Variants in MAGI1 observed in about 807,000 individuals in gnomAD.
MAGI1 encodes the protein membrane-associated guanylate kinase, WW and PDZ domain-containing protein 1.
Under a neutral mutation model 139.9 loss-of-function variants are expected in MAGI1, and 58 were observed. That is an observed-to-expected ratio of 0.41 (90% CI 0.34 to 0.52). The LOEUF is 0.52. Ranked by LOEUF, MAGI1 falls within the 20% of genes least tolerant of loss-of-function variation. The probability of loss-of-function intolerance (pLI) is 0.12; values close to 1 mark genes in which losing one functional copy is unlikely to be tolerated. For synonymous variants in MAGI1, 812 were observed against 737.9 expected, an observed-to-expected ratio of 1.10 and a Z score of -1.63; for missense variants, 1,874 against 1,901.6, an observed-to-expected ratio of 0.99 and a Z score of 0.27.
chr3:65,430,024 C>G lies in MAGI1; in HGVS notation c.1663G>C (p.Gly555Arg). The G allele has an allele frequency of 6.2e-7, 1 of 1,613,848 alleles. No homozygotes were observed. The highest frequency in any genetic ancestry group is 8.5e-7 in the Non-Finnish European group (1 of 1,179,914). ...TCTGGATCAAAAGGCAATGGATAACCTCGGCAGAGTTCAAGGTCCACGCTG... is the reference window on the plus strand; with the variant it reads ...TCTGGATCAAAAGGCAATGGATAACGTCGGCAGAGTTCAAGGTCCACGCTG... ...GASVDLELCR[G>R]YPLPFDPDDP... Residue 555 changes from glycine to arginine, a missense_variant, in exon 12 of 23, where the codon GGT becomes CGT. By Grantham distance (125) the Gly-to-Arg change is moderately radical (BLOSUM62 -2). Coordinates refer to ENST00000402939, the MANE Select transcript of MAGI1 (RefSeq NM_001033057.2).
intron 2 of MAGI1, among the ~76,000 whole-genome samples, chr3:65,616,774 C>G (rs78970665): frequency 0.015 from 2,337 of 152,260 alleles, 60 homozygotes; most frequent in African/African-American, 0.052. Flanking sequence ...CCACCAGTGT[C>G]CAACACAACC....
chr3:65,909,096 T>A (rs2061554194), intron 1 of MAGI1, among the ~76,000 whole-genome samples: 1 of 152,174 alleles, frequency 6.6e-6, no homozygotes, highest in South Asian at 2.1e-4. Flanking sequence ...AGTATTCTCA[T>A]TACCAGAAGC....
At chr3:65,959,430 A>G (rs555365413) in intron 1 of MAGI1, among the ~76,000 whole-genome samples, 5 of 152,100 alleles carry the variant, frequency 3.3e-5, no homozygotes, top group South Asian at 4.2e-4. Flanking sequence ...TGTGCACAGT[A>G]AGTGAGTGAT....
At chr3:65,953,315 G>C (rs1174405906) in intron 1 of MAGI1, among the ~76,000 whole-genome samples, 2 of 151,850 alleles carry the variant, frequency 1.3e-5, no homozygotes, top group Non-Finnish European at 2.9e-5. Flanking sequence ...CCTTCATGAG[G>C]AAAAACAAAG....
rs1940820869 is a variant in MAGI1 at position 65,361,179 on chromosome 3, G to T, written c.3634+20C>A. 14 of 1,614,140 alleles carry T rather than the reference G, an allele frequency of 8.7e-6. No individual in the cohort carries two copies. Among genetic ancestry groups the T allele is most frequent in the Non-Finnish European group, 1.0e-5 (12 of 1,180,004 alleles). ...GAGTCATGCCAGGGAAGGAAGGAAT[G>T]TTTTCATAGTTTGACCCACCATATT... On this transcript the variant is annotated intron_variant, in intron 22 of 22. Coordinates refer to ENST00000402939, the MANE Select transcript of MAGI1 (RefSeq NM_001033057.2).
Position 65,379,405 on chromosome 3 carries a change from T to A in MAGI1, c.2851A>T (p.Ile951Phe). Residue 951 changes from isoleucine (I) to phenylalanine (F), a missense_variant, in exon 17 of 23, where the codon ATC becomes TTC. Transcript: ENST00000402939. ...CTGCCCCCGCCGCCGCCACTGCCGA[T>A]GCCGCTGGTGCTGCCGCTGCCCGAG... is the stretch of plus-strand genomic sequence containing the variant. ...VSSGSGSTSG[I>F]GSGGGGGSGV... 1 of 1,613,150 alleles carries A rather than the reference T, an allele frequency of 6.2e-7. No individual in the cohort carries two copies. Among genetic ancestry groups the A allele is most frequent in the Non-Finnish European group, 8.5e-7 (1 of 1,179,368 alleles).
At chr3:65,423,382 G>GCACACACA (rs374242651) in intron 12 of MAGI1, among the ~76,000 whole-genome samples, 57 of 141,216 alleles carry the variant, frequency 4.0e-4, no homozygotes, top group South Asian at 2.2e-3. Context: ...GTGCACACAC[G>GCACACACA]CGCACACACA....
chr3:66,009,359 A>T (rs2067201754), intron 1 of MAGI1, among the ~76,000 whole-genome samples: 1 of 152,010 alleles, frequency 6.6e-6, no homozygotes, highest in Admixed American at 6.5e-5. Flanking sequence ...AAAATACAAA[A>T]ATTAGCCGGG....
rs575966876 is a variant in MAGI1, at chr3:65,728,294, G to A, written c.314-106206C>T. 5.3e-5 allele frequency among the ~76,000 whole-genome samples: 8 copies of A among 152,276 alleles called. No individual in the cohort carries two copies. In the East Asian group the frequency reaches 1.5e-3, roughly 29 times the overall value. On this transcript the variant is annotated intron_variant, in intron 1 of 22. Transcript: ENST00000402939. ...TCAGAACAGGATGATTGGAGCTGGA[G>A]CACCCTGTGAGGCGCAGAAGGTGGC...
chr3:65,449,600 C>A (rs902053203), intron 6 of MAGI1, among the ~76,000 whole-genome samples: 23 of 151,980 alleles, frequency 1.5e-4, no homozygotes, highest in African/African-American at 4.8e-4. Context: ...CATGGTGAAA[C>A]CCCGACTCTA....
At chr3:65,677,570 T>A (rs774677864) in intron 1 of MAGI1, among the ~76,000 whole-genome samples, 3 of 152,122 alleles carry the variant, frequency 2.0e-5, no homozygotes, top group Admixed American at 6.6e-5. Context: ...AACAGGAAGG[T>A]AGTTAAAAGT....
At chr3:65,961,504 A>AC (rs1285857885) in intron 1 of MAGI1, among the ~76,000 whole-genome samples, 2 of 151,894 alleles carry the variant, frequency 1.3e-5, no homozygotes, top group Non-Finnish European at 2.9e-5. Context: ...ACATGTAAAA[A>AC]CCCCCCAAAA....
Position 65,763,261 on chromosome 3 carries a change from A to ACT in MAGI1, c.314-141175_314-141174dup, listed in dbSNP as rs534843795. Among the ~76,000 whole-genome samples, 696 of 152,304 alleles carry ACT rather than the reference A, an allele frequency of 4.6e-3. 4 individuals carry two copies. Among genetic ancestry groups the ACT allele is most frequent in the Non-Finnish European group, 7.5e-3 (509 of 68,022 alleles). ...TTCATTCTCCCTACATAATTCAGTT[A>ACT]CTTTTCCAGAATTGCCTCTCTGTGT... On this transcript the variant is annotated intron_variant, in intron 1 of 22. Coordinates refer to ENST00000402939, the MANE Select transcript of MAGI1 (RefSeq NM_001033057.2).
chr3:65,642,300 C>G (rs540238951), intron 1 of MAGI1, among the ~76,000 whole-genome samples: 2 of 152,294 alleles, frequency 1.3e-5, no homozygotes, highest in African/African-American at 4.8e-5. Flanking sequence ...ATATCTTGAT[C>G]AAGCCCTTCA....
chr3:65,511,683 T>A (rs2077602970), intron 2 of MAGI1, among the ~76,000 whole-genome samples: 1 of 148,840 alleles, frequency 6.7e-6, no homozygotes, highest in South Asian at 2.2e-4. Context: ...CAAAGAGACT[T>A]AGACTCCCAC....
chr3:65,821,599 A>G (rs1213801006), intron 1 of MAGI1, among the ~76,000 whole-genome samples: 1 of 152,242 alleles, frequency 6.6e-6, no homozygotes, highest in Non-Finnish European at 1.5e-5. Context: ...AGATGTTACA[A>G]AAGTAAAGAC....
At chr3:65,601,347 T>C (rs1463764025) in intron 2 of MAGI1, among the ~76,000 whole-genome samples, 2 of 152,098 alleles carry the variant, frequency 1.3e-5, no homozygotes, top group African/African-American at 2.4e-5. Context: ...TAAAATGTAG[T>C]AAGAACAGCC....
chr3:65,600,708 T>C (rs1576442444), intron 2 of MAGI1, among the ~76,000 whole-genome samples: 1 of 152,212 alleles, frequency 6.6e-6, no homozygotes, highest in South Asian at 2.1e-4. Flanking sequence ...GGCAGTGAAA[T>C]GTAGACACTT....
intron 1 of MAGI1, among the ~76,000 whole-genome samples, chr3:65,868,388 C>T (rs868629457): frequency 2.0e-5 from 3 of 152,138 alleles, no homozygotes; most frequent in African/African-American, 4.8e-5. Flanking sequence ...ATCTCAAAGA[C>T]GTGACACAAC....
Sources: gnomAD v4.1 joint callset for allele counts (sites outside exome capture counted in the v4.1 genomes callset) on GRCh38, gnomAD v4.1.1 for gene constraint, MANE v1.5 for transcripts, NCBI Gene and HGNC (gene_info 2026-07-23, HGNC 2026-07-21) for gene names.